WDR37: variants seen among roughly 807,000 people sequenced by gnomAD.
WDR37 encodes the protein WD repeat domain 37.
A neutral mutation model predicts 62.9 loss-of-function variants in WDR37; 19 were observed. That is an observed-to-expected ratio of 0.30 (90% CI 0.21 to 0.44). The LOEUF is 0.44. Among genes scored for constraint, WDR37 ranks in the 20% least tolerant of loss-of-function variants. The pLI is 1.00. For synonymous variants in WDR37, 250 were observed against 260.9 expected (o/e 0.96, Z 0.40); for missense variants, 474 against 657.6 (o/e 0.72, Z 3.05).
chr10:1,113,284 G>A (rs771760879), intron 11 of WDR37, among the ~76,000 whole-genome samples: 4 of 152,132 alleles, frequency 2.6e-5, no homozygotes, highest in Non-Finnish European at 5.9e-5. Flanking sequence ...TATTGTTGAG[G>A]CTACTGCTCA....
chr10:1,080,723 T>C (rs1266424968), intron 5 of WDR37, among the ~76,000 whole-genome samples: 2 of 152,086 alleles, frequency 1.3e-5, no homozygotes, highest in Admixed American at 1.3e-4. Context: ...TTGGACAACA[T>C]GGTGAAACCC....
At position 1,056,417 on chromosome 10, in the gene WDR37, C is replaced by CCCCGCCAGGCT; in HGVS notation, c.-586_-576dup. ...AGGAGCCGAACACTGACCGCGCCGT[C>CCCCGCCAGGCT]CCCGCCAGGCTCCCGCGCGGCCGGC... On this transcript the variant is annotated 5_prime_UTR_variant, in exon 1 of 14. Transcript: ENST00000263150. 6.6e-6 allele frequency: 1 copy of CCCCGCCAGGCT among 152,292 alleles called. No homozygotes were observed. The highest frequency in any genetic ancestry group is 1.9e-4 in the East Asian group (1 of 5,172). 9.4% of individuals were successfully genotyped at this position (152,292 alleles called of 1,614,324 possible).
rs935712801 is a variant in WDR37, at chr10:1,105,943, G to C, written c.1103+676G>C. Among the ~76,000 whole-genome samples, 2 of 152,106 alleles carry C rather than the reference G, an allele frequency of 1.3e-5. No individual in the cohort carries two copies. Among genetic ancestry groups the C allele is most frequent in the African/African-American group, 4.8e-5 (2 of 41,502 alleles). On this transcript the variant is annotated intron_variant, in intron 11 of 13. Transcript: ENST00000263150. This position sits in a 1 kb window ranked among gnomAD's most constrained non-coding sequence, Gnocchi z 5.3. ...TGGGACTAGAGGCACCTGCCACCAC[G>C]CCTGGCTAGTTTTTTGTATTTTTAG... is the stretch of plus-strand genomic sequence containing the variant.
At chr10:1,110,305 TCCTGACATCAGA>T (rs1007460795) in intron 11 of WDR37, among the ~76,000 whole-genome samples, 2 of 152,164 alleles carry the variant, frequency 1.3e-5, no homozygotes, top group Non-Finnish European at 2.9e-5. Context: ...AACTCTTCCT[TCCTGACATCAGA>T]TCAGCTGTAA....
At chr10:1,104,006 G>A (rs1051175057) in intron 10 of WDR37, among the ~76,000 whole-genome samples, 170 bp downstream of exon 10, 1 of 152,196 alleles carries the variant, frequency 6.6e-6, no homozygotes, top group African/African-American at 2.4e-5. Context: ...ACTATTGGTA[G>A]CTAAATTTAT....
At chr10:1,122,909 C>T (rs767407393) in intron 11 of WDR37, among the ~76,000 whole-genome samples, 9 of 152,292 alleles carry the variant, frequency 5.9e-5, no homozygotes, top group East Asian at 1.9e-4. Context: ...ATGTTTAATC[C>T]GATTTTACCA....
chr10:1,095,767 G>A (rs1280239940), intron 8 of WDR37, among the ~76,000 whole-genome samples: 4 of 152,202 alleles, frequency 2.6e-5, no homozygotes, highest in Admixed American at 6.5e-5. Flanking sequence ...GAAAGGCCGC[G>A]TGTGTGTTGA....
At position 1,131,012 on chromosome 10, in the gene WDR37, T is replaced by A. The variant is rs1396605913; in HGVS notation, c.*1668T>A. 6.6e-6 allele frequency: 1 copy of A among 152,248 alleles called. No individual in the cohort carries two copies. Among genetic ancestry groups the A allele is most frequent in the Non-Finnish European group, 1.5e-5 (1 of 68,040 alleles). The allele number at this position is 152,248 out of a possible 1,614,324, so 9.4% of individuals were successfully genotyped here. A position where few individuals can be genotyped will look rare whatever the true frequency, so the allele number is the denominator to read the frequency against. On this transcript the variant is annotated 3_prime_UTR_variant, in exon 14 of 14. Coordinates refer to ENST00000263150, the MANE Select transcript of WDR37 (RefSeq NM_014023.4). Reference sequence around the variant, plus strand: ...ATTTCAGTCATTTTGATTTTACAAATAAAAAATGTGTTGTGTTTTTGTCCG... The same window carrying A: ...ATTTCAGTCATTTTGATTTTACAAAAAAAAAATGTGTTGTGTTTTTGTCCG...
chr10:1,105,092 G>A lies in WDR37; in HGVS notation c.962-34G>A, dbSNP rs1266940728. On this transcript the variant is annotated intron_variant, in intron 10 of 13. Transcript: ENST00000263150. The surrounding 1 kb of genome is among the most constrained non-coding windows in gnomAD (Gnocchi z 5.3). ...GCGTCTCTCTCAGCGTGCTCCTCAGGTGATGACCTTGTGTTTTGCCATCTT... is the reference window on the plus strand; with the variant it reads ...GCGTCTCTCTCAGCGTGCTCCTCAGATGATGACCTTGTGTTTTGCCATCTT... 3 of 1,612,188 alleles carry A rather than the reference G, an allele frequency of 1.9e-6. No individual in the cohort carries two copies. In the South Asian group the frequency reaches 3.3e-5, roughly 18 times the overall value.
At chr10:1,080,509 TG>T (rs1833995439) in intron 5 of WDR37, 33 bp downstream of exon 5, 1 of 1,611,628 alleles carries the variant, frequency 6.2e-7, no homozygotes, top group Non-Finnish European at 8.5e-7. Flanking sequence ...AGCCATCATG[TG>T]GTGGTTAAGG....
rs544524277 is a variant in WDR37, at chr10:1,084,440, C to T, written c.434C>T (p.Ala145Val). The part of the protein sequence containing the change: ...SSFKTTTSRA[A>V]CQLVKEYIGH... ...TTTAAGACCACGACATCGAGAGCTGCCTGCCAGCTCGTGAAGGAGTACATC... is the reference window on the plus strand; with the variant it reads ...TTTAAGACCACGACATCGAGAGCTGTCTGCCAGCTCGTGAAGGAGTACATC... The change falls in exon 6 of 14, where the codon GCC becomes GTC. Residue 145 changes from alanine (A) to valine (V), a missense_variant. Coordinates refer to ENST00000263150, the MANE Select transcript of WDR37 (RefSeq NM_014023.4). 6.2e-7 allele frequency: 1 copy of T among 1,614,202 alleles called. No individual in the cohort carries two copies. The highest frequency in any genetic ancestry group is 1.7e-5 in the Admixed American group (1 of 60,026).
At chr10:1,086,772 C>T (rs113648564) in intron 7 of WDR37, among the ~76,000 whole-genome samples, 28 of 152,238 alleles carry the variant, frequency 1.8e-4, no homozygotes, top group Admixed American at 3.9e-4. Flanking sequence ...ATGCTGTCCA[C>T]GGAGTGAATG....
chr10:1,095,135 G>C (rs1208997130), intron 8 of WDR37, among the ~76,000 whole-genome samples: 3 of 149,870 alleles, frequency 2.0e-5, no homozygotes, highest in African/African-American at 7.4e-5. Flanking sequence ...AGAGAGGAGG[G>C]TTAGACTGGG....
At chr10:1,084,619 G>C (rs1589092405) in intron 6 of WDR37, 81 bp downstream of exon 6, 2 of 1,568,610 alleles carry the variant, frequency 1.3e-6, no homozygotes. Context: ...ACTTTTCTGT[G>C]GCAGAGGAAC....
intron 11 of WDR37, among the ~76,000 whole-genome samples, chr10:1,118,792 G>A (rs924098669): frequency 2.0e-5 from 3 of 152,176 alleles, no homozygotes; most frequent in East Asian, 1.9e-4. Context: ...GAGTGTGCAC[G>A]CACTGCCACG....
At position 1,067,395 on chromosome 10, in the gene WDR37, T is replaced by C. The variant is rs576230192; in HGVS notation, c.-40-4721T>C. ...GCCCCTAGGGATTCATGAAAAGTTC[T>C]TGTCATGACTTTAAAAGTGTGATGC... On this transcript the variant is annotated intron_variant, in intron 1 of 13. Transcript: ENST00000263150. Among the ~76,000 whole-genome samples, 5 of 152,330 alleles carry C rather than the reference T, an allele frequency of 3.3e-5. No individual in the cohort carries two copies. The South Asian group carries it at 1.0e-3, about 32-fold the overall frequency.
At chr10:1,068,507 A>T (rs1833625165) in intron 1 of WDR37, among the ~76,000 whole-genome samples, 1 of 152,088 alleles carries the variant, frequency 6.6e-6, no homozygotes, top group Non-Finnish European at 1.5e-5. Context: ...CACCCTAAAT[A>T]GCCTGTCTTG....
chr10:1,082,822 G>T (rs1834072544), intron 5 of WDR37, among the ~76,000 whole-genome samples: 1 of 134,192 alleles, frequency 7.5e-6, no homozygotes, highest in Admixed American at 7.5e-5. Flanking sequence ...AGAGCCTCTG[G>T]GAAGGAGCCA....
chr10:1,124,636 G>A (rs1835681235), intron 12 of WDR37, among the ~76,000 whole-genome samples: 1 of 149,616 alleles, frequency 6.7e-6, no homozygotes, highest in African/African-American at 2.5e-5. Flanking sequence ...TGTCTGGGTG[G>A]GTCTGGTTCT....
Sources: allele counts gnomAD v4.1 joint callset (sites outside exome capture counted in the v4.1 genomes callset), GRCh38; gene constraint gnomAD v4.1.1; non-coding constraint Gnocchi (gnomAD v3.1); transcripts MANE v1.5; gene names NCBI Gene and HGNC (gene_info 2026-07-23, HGNC 2026-07-21).